The following TSPAN15 variants were observed in gnomAD, a reference collection of about 807,000 sequenced individuals.
The protein encoded by TSPAN15 is tetraspanin 15.
A neutral mutation model predicts 34.5 loss-of-function variants in TSPAN15; 20 were observed. The observed-to-expected ratio is 0.58, with a 90% CI of 0.41 to 0.84. TSPAN15 has a LOEUF of 0.84. TSPAN15 is among the 40% of genes least tolerant of loss of function. The pLI is 0.00. For missense variants in TSPAN15, 313 were observed against 386.1 expected (o/e 0.81, Z 1.59); for synonymous variants, 155 against 153.9 (o/e 1.01, Z -0.05).
the TSPAN15 span, chr10:69,523,258 C>T: frequency 3.1e-6 from 1 of 323,422 alleles, no homozygotes; most frequent in Non-Finnish European, 5.8e-6. Flanking sequence ...TTTTCTGCTC[C>T]AACTCTCAAA....
intron 1 of TSPAN15, among the ~76,000 whole-genome samples, chr10:69,477,286 C>T (rs970742937): frequency 1.3e-5 from 2 of 152,130 alleles, no homozygotes; most frequent in African/African-American, 4.8e-5. Context: ...AGGTGCACGC[C>T]ACCACACCCA....
At chr10:69,512,843 G>T in the TSPAN15 span, among the ~76,000 whole-genome samples, 1 of 152,192 alleles carries the variant, frequency 6.6e-6, no homozygotes, top group Non-Finnish European at 1.5e-5. Flanking sequence ...CCTACTGATG[G>T]ACGTTTTGTT....
chr10:69,539,060 G>A, the TSPAN15 span, among the ~76,000 whole-genome samples: 2 of 152,160 alleles, frequency 1.3e-5, no homozygotes, highest in African/African-American at 4.8e-5. Flanking sequence ...GAGGTCCTTG[G>A]TGACATTAGC....
chr10:69,453,323 C>T (rs1201430415), intron 1 of TSPAN15, among the ~76,000 whole-genome samples: 2 of 152,184 alleles, frequency 1.3e-5, no homozygotes, highest in Non-Finnish European at 1.5e-5. Flanking sequence ...AAATTACTTA[C>T]TAGAATTAAG....
chr10:69,470,189 G>A (rs1361777841), intron 1 of TSPAN15, among the ~76,000 whole-genome samples: 4 of 152,246 alleles, frequency 2.6e-5, no homozygotes, highest in Admixed American at 1.3e-4. Flanking sequence ...CTCATGATTA[G>A]GTTCAGGCCA....
rs146434031 is a variant in TSPAN15, at chr10:69,473,948, T to A, written c.97-9743T>A. On this transcript the variant is annotated intron_variant, in intron 1 of 7. Transcript: ENST00000373290. ...AAGGGCCACATATATAAAAAGCAAT[T>A]TGATGCATTTCTTTTTTATATAGGA... 2.5e-3 allele frequency among the ~76,000 whole-genome samples: 374 copies of A among 152,202 alleles called. 2 individuals carry two copies. Among genetic ancestry groups the A allele is most frequent in the African/African-American group, 8.5e-3 (353 of 41,524 alleles).
the TSPAN15 span, among the ~76,000 whole-genome samples, chr10:69,546,552 G>A: frequency 0.062 from 9,367 of 152,136 alleles, 312 homozygotes; most frequent in East Asian, 0.14. Flanking sequence ...TCTGTCCTAC[G>A]CATCCAAGGT....
At chr10:69,541,058 G>A in the TSPAN15 span, among the ~76,000 whole-genome samples, 2 of 152,224 alleles carry the variant, frequency 1.3e-5, no homozygotes, top group African/African-American at 2.4e-5. Context: ...TCCTCAGGAT[G>A]TGGAAGTTTC....
At chr10:69,479,530 C>T (rs1841687846) in intron 1 of TSPAN15, among the ~76,000 whole-genome samples, 4 of 152,328 alleles carry the variant, frequency 2.6e-5, no homozygotes, top group Admixed American at 2.0e-4. Context: ...GTGCCCCCCA[C>T]CCCCAGCCCT....
the TSPAN15 span, among the ~76,000 whole-genome samples, chr10:69,525,890 G>A: frequency 4.8e-5 from 7 of 145,700 alleles, 2 homozygotes; most frequent in African/African-American, 1.7e-4. Context: ...ACAATATTAA[G>A]CTCCTATCTG....
At position 69,451,525 on chromosome 10, in the gene TSPAN15, A is replaced by G. The variant is rs952162827; in HGVS notation, c.-70A>G. 8 of 1,293,166 alleles carry G rather than the reference A, an allele frequency of 6.2e-6. No individual in the cohort carries two copies. Among genetic ancestry groups the G allele is most frequent in the Admixed American group, 8.0e-5 (2 of 24,976 alleles). 80.1% of individuals were successfully genotyped at this position (1,293,166 alleles called of 1,614,324 possible). Reference sequence around the variant, plus strand: ...TAGCCCGGCAGCCGCAGGTGGGGCCACGAGCGCTGGCTGAGGGACCGAGCC... The same window carrying G: ...TAGCCCGGCAGCCGCAGGTGGGGCCGCGAGCGCTGGCTGAGGGACCGAGCC... On this transcript the variant is annotated 5_prime_UTR_variant, in exon 1 of 8. Coordinates refer to ENST00000373290, the MANE Select transcript of TSPAN15 (RefSeq NM_012339.5).
intron 1 of TSPAN15, among the ~76,000 whole-genome samples, chr10:69,464,114 G>A (rs1424404429): frequency 6.6e-6 from 1 of 152,258 alleles, no homozygotes; most frequent in African/African-American, 2.4e-5. Context: ...CTAAAAGCTG[G>A]AGGAGGCAAG....
chr10:69,546,531 A>G, the TSPAN15 span, among the ~76,000 whole-genome samples: 1 of 152,106 alleles, frequency 6.6e-6, no homozygotes, highest in African/African-American at 2.4e-5. Flanking sequence ...AAACCTTCTC[A>G]CACTGGAATT....
At position 69,507,244 on chromosome 10, in the gene TSPAN15, C is replaced by A. The variant is rs1217228171; in HGVS notation, c.*266C>A. On this transcript the variant is annotated 3_prime_UTR_variant, in exon 8 of 8. Transcript: ENST00000373290. ...GGAACAAGGCCCTCCTTTCTCCAGG[C>A]CTGGGCTACGGGGGAGGGAGAGCCT... is the stretch of plus-strand genomic sequence containing the variant. 1 of 1,377,320 alleles carries A rather than the reference C, an allele frequency of 7.3e-7. No homozygotes were observed. The highest frequency in any genetic ancestry group is 1.5e-5 in the African/African-American group (1 of 68,470). 85.3% of individuals were successfully genotyped at this position (1,377,320 alleles called of 1,614,324 possible). A position where few individuals can be genotyped will look rare whatever the true frequency, so the allele number is the denominator to read the frequency against.
chr10:69,507,209 T>C lies in TSPAN15; in HGVS notation c.*231T>C. 7.1e-7 allele frequency: 1 copy of C among 1,406,822 alleles called. No homozygotes were observed. Among genetic ancestry groups the C allele is most frequent in the Admixed American group, 3.1e-5 (1 of 32,090 alleles). 87.1% of individuals were successfully genotyped at this position (1,406,822 alleles called of 1,614,324 possible). The stretch of plus-strand genomic sequence containing the variant: ...GGCAGCTCTGGAATCTGTGCCCACC[T>C]GGGGCCTGGGGAACAAGGCCCTCCT... On this transcript the variant is annotated 3_prime_UTR_variant, in exon 8 of 8. Transcript: ENST00000373290.
intron 1 of TSPAN15, among the ~76,000 whole-genome samples, chr10:69,460,951 A>G (rs916063928): frequency 1.3e-5 from 2 of 152,174 alleles, no homozygotes; most frequent in African/African-American, 4.8e-5. Flanking sequence ...TCCATGTGAC[A>G]AGTCATGGAC....
the TSPAN15 span, among the ~76,000 whole-genome samples, chr10:69,518,617 T>G: frequency 2.0e-5 from 3 of 152,012 alleles, no homozygotes; most frequent in Non-Finnish European, 4.4e-5. Context: ...AGAGATGAGG[T>G]TTCAACATAT....
the TSPAN15 span, among the ~76,000 whole-genome samples, chr10:69,526,014 T>C: frequency 6.8e-6 from 1 of 146,252 alleles, no homozygotes; most frequent in Non-Finnish European, 1.5e-5. Flanking sequence ...GTGAAAAAAT[T>C]TAATAAAACC....
the TSPAN15 span, among the ~76,000 whole-genome samples, chr10:69,515,662 T>C: frequency 1.3e-5 from 2 of 152,194 alleles, no homozygotes; most frequent in African/African-American, 2.4e-5. Context: ...CTGGAAATAT[T>C]ATGGGGCCAC....
Sources: allele counts gnomAD v4.1 joint callset (sites outside exome capture counted in the v4.1 genomes callset), GRCh38; gene constraint gnomAD v4.1.1; transcripts MANE v1.5; gene names NCBI Gene and HGNC (gene_info 2026-07-23, HGNC 2026-07-21).